The following VCL variants were observed in gnomAD, a reference collection of about 807,000 sequenced individuals.
VCL encodes the protein vinculin, also known as epididymis luminal protein 114.
A neutral mutation model predicts 125.7 loss-of-function variants in VCL; 47 were observed. The ratio of observed to expected loss-of-function variants is 0.37; its 90% CI spans 0.30 to 0.48. The LOEUF is 0.48. Ranked by LOEUF, VCL falls within the 20% of genes least tolerant of loss-of-function variation. The probability of loss-of-function intolerance (pLI) is 0.99; values close to 1 mark genes in which losing one functional copy is unlikely to be tolerated. For synonymous variants in VCL, 458 were observed against 514.6 expected, an observed-to-expected ratio of 0.89 and a Z score of 1.49; for missense variants, 1,069 against 1,455.5, an observed-to-expected ratio of 0.73 and a Z score of 4.32.
At chr10:74,030,723 C>G (rs1246105358) in intron 1 of VCL, among the ~76,000 whole-genome samples, 4 of 152,132 alleles carry the variant, frequency 2.6e-5, no homozygotes, top group Non-Finnish European at 2.9e-5. Context: ...AAATTGCTGC[C>G]AGACCTTCTA....
chr10:74,024,446 A>T (rs1840733502), intron 1 of VCL, among the ~76,000 whole-genome samples: 1 of 152,044 alleles, frequency 6.6e-6, no homozygotes, highest in Non-Finnish European at 1.5e-5. Context: ...CCCTGTCTCT[A>T]CTAAAAATAC....
At position 74,071,292 on chromosome 10, in the gene VCL, C is replaced by G. The variant is rs953902933; in HGVS notation, c.499+209C>G. On this transcript the variant is annotated intron_variant, in intron 4 of 21. Coordinates refer to ENST00000211998, the MANE Select transcript of VCL (RefSeq NM_014000.3). The surrounding 1 kb of genome is among the most constrained non-coding windows in gnomAD (Gnocchi z 4.1). Reference sequence around the variant, plus strand: ...ATCTGCTTTCTATATATTGCCTTGTCAAATGAATTAAACCAAACATTGCAA... The same window carrying G: ...ATCTGCTTTCTATATATTGCCTTGTGAAATGAATTAAACCAAACATTGCAA... Among the ~76,000 whole-genome samples, 2 of 152,160 alleles carry G rather than the reference C, an allele frequency of 1.3e-5. No homozygotes were observed. The highest frequency in any genetic ancestry group is 2.9e-5 in the Non-Finnish European group (2 of 68,030).
intron 2 of VCL, among the ~76,000 whole-genome samples, chr10:74,050,705 T>G (rs904746637): frequency 6.6e-6 from 1 of 152,136 alleles, no homozygotes; most frequent in Admixed American, 6.5e-5. Flanking sequence ...TTTGTTTGCC[T>G]GGGGCTAATG....
At chr10:74,016,407 C>T (rs1476199824) in intron 1 of VCL, among the ~76,000 whole-genome samples, 3 of 151,816 alleles carry the variant, frequency 2.0e-5, no homozygotes, top group Admixed American at 2.0e-4. Context: ...GTGTAGAAGT[C>T]CGAGACCAGC....
intron 13 of VCL, among the ~76,000 whole-genome samples, chr10:74,098,008 A>G (rs1363798184): frequency 6.6e-6 from 1 of 152,144 alleles, no homozygotes; most frequent in African/African-American, 2.4e-5. Flanking sequence ...AGAGATGGAC[A>G]TGTTTCGCTC....
intron 1 of VCL, among the ~76,000 whole-genome samples, chr10:74,037,067 C>T (rs545432372): frequency 2.4e-3 from 361 of 152,128 alleles, no homozygotes; most frequent in Non-Finnish European, 3.8e-3. Context: ...CCCGCCACCA[C>T]GCCCGGCTAA....
intron 6 of VCL, chr10:74,076,133 T>C (rs1165174289): frequency 6.6e-6 from 1 of 152,660 alleles, no homozygotes; most frequent in Non-Finnish European, 1.5e-5. Context: ...TCTTGCCCTC[T>C]AGTTTCTTTT....
At chr10:74,082,619 T>C in intron 7 of VCL, 75 bp downstream of exon 7, 1 of 1,463,588 alleles carries the variant, frequency 6.8e-7, no homozygotes, top group Non-Finnish European at 9.5e-7. Flanking sequence ...AAAGAAATTT[T>C]CCCATAATCT....
chr10:74,068,197 A>G (rs1379253777), intron 2 of VCL, among the ~76,000 whole-genome samples: 1 of 152,248 alleles, frequency 6.6e-6, no homozygotes, highest in Non-Finnish European at 1.5e-5. Flanking sequence ...ACAGACATAC[A>G]GGGTAAAATT....
chr10:74,043,380 C>G (rs1841133611), intron 2 of VCL, among the ~76,000 whole-genome samples: 1 of 151,784 alleles, frequency 6.6e-6, no homozygotes, highest in South Asian at 2.1e-4. Flanking sequence ...GAGTTTCACC[C>G]TCGTCACCCA....
intron 1 of VCL, among the ~76,000 whole-genome samples, chr10:74,017,046 CTT>C (rs549275362): frequency 3.5e-5 from 4 of 113,146 alleles, no homozygotes; most frequent in South Asian, 2.8e-4. Flanking sequence ...AATTTCCTTC[CTT>C]TTTTTTTTTT....
At chr10:73,999,188 G>A (rs1840177403) in intron 1 of VCL, among the ~76,000 whole-genome samples, 1 of 152,164 alleles carries the variant, frequency 6.6e-6, no homozygotes, top group Admixed American at 6.5e-5. Context: ...CTAGACTCGG[G>A]GGCCCTCCTT....
At chr10:74,019,526 C>T (rs941278077) in intron 1 of VCL, among the ~76,000 whole-genome samples, 5 of 151,830 alleles carry the variant, frequency 3.3e-5, no homozygotes, top group East Asian at 1.9e-4. Flanking sequence ...TAGATTGGAG[C>T]GCTGGTGAGA....
intron 1 of VCL, among the ~76,000 whole-genome samples, chr10:74,025,688 G>GAGGA (rs1485590990): frequency 8.2e-6 from 1 of 121,978 alleles, no homozygotes; most frequent in Non-Finnish European, 1.8e-5. Flanking sequence ...GGGAGAGAGG[G>GAGGA]AGGGAGGGAG....
At chr10:74,018,194 ATATATAT>A (rs1840593778) in intron 1 of VCL, among the ~76,000 whole-genome samples, 1 of 140,376 alleles carries the variant, frequency 7.1e-6, no homozygotes, top group African/African-American at 2.6e-5. Flanking sequence ...ATATATATAT[ATATATAT>A]AAATACATAT....
intron 2 of VCL, among the ~76,000 whole-genome samples, chr10:74,049,310 C>T (rs1171713167): frequency 6.6e-6 from 1 of 151,836 alleles, no homozygotes; most frequent in Non-Finnish European, 1.5e-5. Context: ...TATGCATAAT[C>T]CCAAGTAGAC....
chr10:74,069,927 T>G (rs7910622), intron 2 of VCL, among the ~76,000 whole-genome samples: 9,549 of 152,216 alleles, frequency 0.063, 1,038 homozygotes, highest in African/African-American at 0.22. Context: ...AATATTAAAC[T>G]ATTAATAACT....
chr10:74,062,140 C>T (rs1454432403), intron 2 of VCL, among the ~76,000 whole-genome samples: 2 of 152,044 alleles, frequency 1.3e-5, no homozygotes, highest in Non-Finnish European at 2.9e-5. Flanking sequence ...TCACGGCTCA[C>T]TGCATCCTCA....
chr10:74,090,310 C>T lies in VCL; in HGVS notation c.1352+112C>T, dbSNP rs531742772. 2.4e-6 allele frequency: 3 copies of T among 1,252,320 alleles called. No homozygotes were observed. The East Asian group carries it at 7.3e-5, about 31-fold the overall frequency. 77.6% of individuals were successfully genotyped at this position (1,252,320 alleles called of 1,614,324 possible). A position where few individuals can be genotyped will look rare whatever the true frequency, so the allele number is the denominator to read the frequency against. ...CAAGAACATACATATTTCAATTCCC[C>T]TAGGTTAAATGCACTTATGATGCTC... is the stretch of plus-strand genomic sequence containing the variant. On this transcript the variant is annotated intron_variant, in intron 10 of 21. Coordinates refer to ENST00000211998, the MANE Select transcript of VCL (RefSeq NM_014000.3).
Sources: allele counts gnomAD v4.1 joint callset (sites outside exome capture counted in the v4.1 genomes callset), GRCh38; gene constraint gnomAD v4.1.1; non-coding constraint Gnocchi (gnomAD v3.1); transcripts MANE v1.5; gene names NCBI Gene and HGNC (gene_info 2026-07-23, HGNC 2026-07-21).